The following PSPC1 variants were observed in gnomAD, a reference collection of about 807,000 sequenced individuals.
The protein encoded by PSPC1 is paraspeckle protein 1.
A neutral mutation model predicts 51.6 loss-of-function variants in PSPC1; 14 were observed. The observed-to-expected ratio is 0.27, with a 90% CI of 0.18 to 0.42. The LOEUF (loss-of-function observed/expected upper bound fraction) is 0.42. PSPC1 is among the 10% of genes least tolerant of loss of function. The probability of loss-of-function intolerance (pLI) is 1.00; values close to 1 mark genes in which losing one functional copy is unlikely to be tolerated. For missense variants in PSPC1, 406 were observed against 701.1 expected, an observed-to-expected ratio of 0.58 and a Z score of 4.75; for synonymous variants, 193 against 231.9, an observed-to-expected ratio of 0.83 and a Z score of 1.53.
At chr13:19,772,589 A>G in intron 1 of PSPC1, 46 bp from the exon 2 acceptor site, 1 of 1,533,552 alleles carries the variant, frequency 6.5e-7, no homozygotes, top group Non-Finnish European at 8.8e-7. Context: ...AGTAACAGAA[A>G]AAATTCAAAA....
chr13:19,730,963 A>AC (rs1884006593), intron 5 of PSPC1, among the ~76,000 whole-genome samples: 1 of 19,002 alleles, frequency 5.3e-5, no homozygotes, highest in African/African-American at 8.7e-5. Context: ...AAAACAAAAA[A>AC]ACAAAAAAAA....
intron 6 of PSPC1, among the ~76,000 whole-genome samples, chr13:19,688,796 C>A (rs950353799): frequency 6.6e-6 from 1 of 152,114 alleles, no homozygotes; most frequent in Non-Finnish European, 1.5e-5. Flanking sequence ...ATAACAATGA[C>A]ATAATCTCTT....
At chr13:19,671,379 C>T (rs1876117716), downstream of PSPC1, 1 of 1,153,732 alleles carries the variant, frequency 8.7e-7, no homozygotes. Context: ...TCCAAGAATC[C>T]TGGTGTACCT....
chr13:19,758,361 T>A (rs996991594), intron 3 of PSPC1, among the ~76,000 whole-genome samples: 3 of 111,060 alleles, frequency 2.7e-5, no homozygotes, highest in African/African-American at 9.2e-5. Context: ...AATATACTTG[T>A]ATTATTCTAA....
At chr13:19,775,745 A>T (rs1173290880) in intron 1 of PSPC1, among the ~76,000 whole-genome samples, 1 of 152,178 alleles carries the variant, frequency 6.6e-6, no homozygotes, top group Non-Finnish European at 1.5e-5. Flanking sequence ...TAGACTTTAG[A>T]AACAGTTTTG....
At chr13:19,733,778 G>GAAAAAAAA (rs66861600) in intron 5 of PSPC1, among the ~76,000 whole-genome samples, 1 of 138,502 alleles carries the variant, frequency 7.2e-6, no homozygotes, top group African/African-American at 2.7e-5. Context: ...CAAGAAAAAA[G>GAAAAAAAA]AAAAAAAAAT....
intron 2 of PSPC1, among the ~76,000 whole-genome samples, chr13:19,766,137 C>A (rs1214110905): frequency 6.6e-6 from 1 of 152,198 alleles, no homozygotes; most frequent in African/African-American, 2.4e-5. Context: ...CTTTGGGAGG[C>A]TGAGGCAGGC....
intron 6 of PSPC1, chr13:19,679,100 T>A (rs1156234710): frequency 2.0e-5 from 3 of 152,224 alleles, no homozygotes; most frequent in Non-Finnish European, 4.4e-5. Flanking sequence ...AACAAAAAAT[T>A]ATTTTTTATA....
At chr13:19,716,760 A>G (rs546103800) in intron 6 of PSPC1, among the ~76,000 whole-genome samples, 77 of 152,166 alleles carry the variant, frequency 5.1e-4, no homozygotes, top group Middle Eastern at 3.4e-3. Flanking sequence ...TAAATTCCCT[A>G]AAAAAAACTA....
chr13:19,730,855 C>T (rs1312502885), intron 5 of PSPC1, among the ~76,000 whole-genome samples: 1 of 147,840 alleles, frequency 6.8e-6, no homozygotes, highest in Non-Finnish European at 1.5e-5. Context: ...GCTGAGGCAC[C>T]AGAATAGGTT....
chr13:19,755,086 G>A (rs1886935695), intron 3 of PSPC1, among the ~76,000 whole-genome samples: 1 of 151,920 alleles, frequency 6.6e-6, no homozygotes. Flanking sequence ...ATTAAAAAAT[G>A]AGACGGGCAT....
chr13:19,730,152 T>A, intron 6 of PSPC1, 87 bp downstream of exon 6: 1 of 1,091,684 alleles, frequency 9.2e-7, no homozygotes, highest in Non-Finnish European at 1.4e-6. Flanking sequence ...AAAAGACTAC[T>A]GTATAAACCA....
At chr13:19,777,827 T>C (rs1473014722) in intron 1 of PSPC1, among the ~76,000 whole-genome samples, 1 of 152,008 alleles carries the variant, frequency 6.6e-6, no homozygotes, top group African/African-American at 2.4e-5. Flanking sequence ...ACACCTGTAG[T>C]CCCAGCTACT....
chr13:19,686,438 T>C (rs1877889839), intron 6 of PSPC1, among the ~76,000 whole-genome samples: 1 of 152,118 alleles, frequency 6.6e-6, no homozygotes. Context: ...AGGCCTTCTG[T>C]GGAGGAAGTG....
chr13:19,691,317 T>A (rs1878513817), intron 6 of PSPC1, among the ~76,000 whole-genome samples: 1 of 151,974 alleles, frequency 6.6e-6, no homozygotes, highest in South Asian at 2.1e-4. Context: ...GACAAGGAGT[T>A]TGAGACCAGC....
intron 7 of PSPC1, among the ~76,000 whole-genome samples, chr13:19,706,205 C>T (rs1880637193): frequency 6.6e-6 from 1 of 152,060 alleles, no homozygotes. Context: ...TTAGCACTTA[C>T]AAAACCACTT....
intron 1 of PSPC1, among the ~76,000 whole-genome samples, chr13:19,776,290 C>A (rs1889113697): frequency 6.6e-6 from 1 of 151,904 alleles, no homozygotes; most frequent in African/African-American, 2.4e-5. Flanking sequence ...ATGAGAGAGA[C>A]CTTGTCTCTA....
chr13:19,695,701 G>A (rs534850187), intron 6 of PSPC1, among the ~76,000 whole-genome samples: 1 of 152,144 alleles, frequency 6.6e-6, no homozygotes, highest in South Asian at 2.1e-4. Context: ...ACTCAAGGCA[G>A]GTCCCTTTTT....
chr13:19,729,000 T>G (rs1028563882), intron 6 of PSPC1, among the ~76,000 whole-genome samples: 1 of 152,160 alleles, frequency 6.6e-6, no homozygotes, highest in Non-Finnish European at 1.5e-5. Context: ...ATTTCTAATA[T>G]TCTTCTTTCT....
Sources: gnomAD v4.1 joint callset for allele counts (sites outside exome capture counted in the v4.1 genomes callset) on GRCh38, gnomAD v4.1.1 for gene constraint, MANE v1.5 for transcripts, NCBI Gene and HGNC (gene_info 2026-07-23, HGNC 2026-07-21) for gene names.